The following LRIG3 variants were observed in gnomAD, a reference collection of about 807,000 sequenced individuals.
LRIG3 encodes the protein leucine rich repeats and immunoglobulin like domains 3, also known as leucine-rich repeats and immunoglobulin-like domains protein 3.
Under a neutral mutation model 114.5 loss-of-function variants are expected in LRIG3, and 76 were observed. That is an observed-to-expected ratio of 0.66 (90% CI 0.55 to 0.80). The LOEUF (loss-of-function observed/expected upper bound fraction) is 0.80. Ranked by LOEUF, LRIG3 falls within the 30% of genes least tolerant of loss-of-function variation. LRIG3 has a pLI of 0.00. For synonymous variants in LRIG3, 512 were observed against 519.8 expected (o/e 0.98, Z 0.20); for missense variants, 1,239 against 1,382.8 (o/e 0.90, Z 1.65).
chr12:58,919,614 C>A lies in LRIG3; in HGVS notation c.236+386G>T, dbSNP rs1447229907. The A allele has an allele frequency of 2.7e-6, 4 of 1,501,966 alleles. No individual in the cohort carries two copies. In the South Asian group the frequency reaches 4.0e-5, roughly 15 times the overall value. 93.0% of individuals were successfully genotyped at this position (1,501,966 alleles called of 1,614,324 possible). On this transcript the variant is annotated intron_variant, in intron 1 of 18. Coordinates refer to ENST00000320743, the MANE Select transcript of LRIG3 (RefSeq NM_153377.5). The stretch of plus-strand genomic sequence containing the variant: ...AAACTGAACCAGACTCATAACTCAG[C>A]GAGAACTGCAAACTCCTGATGTGTG...
chr12:58,872,951 CA>C (rs1205840617), intron 18 of LRIG3, 135 bp from the exon 19 acceptor site: 1 of 1,182,190 alleles, frequency 8.5e-7, no homozygotes, highest in African/African-American at 1.5e-5. Context: ...TTATGGCACT[CA>C]CATACATGTA....
intron 3 of LRIG3, among the ~76,000 whole-genome samples, chr12:58,909,758 G>A (rs1414881019): frequency 6.6e-6 from 1 of 152,154 alleles, no homozygotes; most frequent in Non-Finnish European, 1.5e-5. Flanking sequence ...GGCAAAGGGT[G>A]GAGCCAAAAG....
At chr12:58,898,357 T>G (rs1871718783) in intron 3 of LRIG3, among the ~76,000 whole-genome samples, 1 of 152,210 alleles carries the variant, frequency 6.6e-6, no homozygotes, top group South Asian at 2.1e-4. Flanking sequence ...TAGATCTGGA[T>G]GAGAAACACT....
chr12:58,877,308 A>G, intron 15 of LRIG3, 92 bp downstream of exon 15: 1 of 1,288,900 alleles, frequency 7.8e-7, no homozygotes. Context: ...TCTGAGATGA[A>G]CTCAGACTGC....
chr12:58,880,967 T>G, intron 12 of LRIG3, 66 bp from the exon 13 acceptor site: 2 of 1,460,676 alleles, frequency 1.4e-6, no homozygotes, highest in Non-Finnish European at 1.9e-6. Context: ...ACTACTCAAA[T>G]TTGAACACCA....
intron 3 of LRIG3, among the ~76,000 whole-genome samples, chr12:58,893,577 G>A (rs1871527278): frequency 6.6e-6 from 1 of 152,160 alleles, no homozygotes; most frequent in Admixed American, 6.5e-5. Context: ...CTAGCTGTGA[G>A]GTATAGGGTA....
chr12:58,918,359 C>T (rs1872551908), intron 1 of LRIG3, among the ~76,000 whole-genome samples: 1 of 152,154 alleles, frequency 6.6e-6, no homozygotes, highest in Admixed American at 6.5e-5. Context: ...AGGTATCGAA[C>T]CCCTTTTGGT....
rs146084140 is a variant in LRIG3, at chr12:58,878,930, G to A, written c.1977C>T (p.Asp659=). 52 of 1,614,030 alleles carry A rather than the reference G, an allele frequency of 3.2e-5. No homozygotes were observed. In the South Asian group the frequency reaches 3.7e-4, roughly 12 times the overall value. ...ERRMHVMPED[D]VFFIVDVKIE... ...TCTTCACATCCACGATAAAGAACAC[G>A]TCATCCTCGGGCATCACATGCATGC... The change falls in exon 14 of 19, where the codon GAC becomes GAT. Residue 659 remains aspartate (D), a synonymous_variant. Transcript: ENST00000320743.
At chr12:58,903,859 C>A (rs1592307720) in intron 3 of LRIG3, among the ~76,000 whole-genome samples, 2 of 151,822 alleles carry the variant, frequency 1.3e-5, no homozygotes, top group South Asian at 2.1e-4. Flanking sequence ...CAGGTTTGTC[C>A]AAGATCAGAT....
In LRIG3 at chr12:58,890,832, C is replaced by A. The variant is rs200782290; in HGVS notation, c.384-36G>T. 4 of 1,571,664 alleles carry A rather than the reference C, an allele frequency of 2.5e-6. No homozygotes were observed. In the Admixed American group the frequency reaches 5.9e-5, roughly 23 times the overall value. On this transcript the variant is annotated intron_variant, in intron 3 of 18. Transcript: ENST00000320743. Reference sequence around the variant, plus strand: ...AAGAAACCACAGTTAACAAGGTTAACGGTACAACAATCTGAAAGAAGAAAA... The same window carrying A: ...AAGAAACCACAGTTAACAAGGTTAAAGGTACAACAATCTGAAAGAAGAAAA...
chr12:58,901,382 T>C (rs1871843061), intron 3 of LRIG3, among the ~76,000 whole-genome samples: 1 of 152,232 alleles, frequency 6.6e-6, no homozygotes, highest in Non-Finnish European at 1.5e-5. Context: ...ATTGTGTTTA[T>C]ACTGCCATGC....
At chr12:58,876,703 A>G (rs539953311) in intron 15 of LRIG3, 100 bp from the exon 16 acceptor site, 5 of 1,235,932 alleles carry the variant, frequency 4.0e-6, no homozygotes, top group African/African-American at 1.5e-5. Flanking sequence ...TTCTGTATAC[A>G]TCAAATTAGG....
intron 13 of LRIG3, 189 bp downstream of exon 13, chr12:58,880,392 C>T: frequency 4.2e-6 from 3 of 710,088 alleles, no homozygotes; most frequent in South Asian, 3.0e-5. Flanking sequence ...GTGTCGTCTT[C>T]AACATAATTG....
intron 1 of LRIG3, among the ~76,000 whole-genome samples, chr12:58,917,088 T>C (rs771388376): frequency 1.2e-4 from 19 of 152,034 alleles, no homozygotes; most frequent in Non-Finnish European, 2.4e-4. Flanking sequence ...GTCTGGAAAA[T>C]ACAGAAAAAC....
At chr12:58,888,159 T>C (rs546450310) in intron 7 of LRIG3, among the ~76,000 whole-genome samples, 170 bp downstream of exon 7, 6 of 152,322 alleles carry the variant, frequency 3.9e-5, no homozygotes, top group African/African-American at 7.2e-5. Flanking sequence ...ACTGCAACAG[T>C]AGAACTGGCT....
At chr12:58,907,815 T>A (rs1872122826) in intron 3 of LRIG3, among the ~76,000 whole-genome samples, 1 of 152,154 alleles carries the variant, frequency 6.6e-6, no homozygotes, top group South Asian at 2.1e-4. Context: ...ATTTCTCTTG[T>A]CTACTCGATT....
intron 10 of LRIG3, among the ~76,000 whole-genome samples, chr12:58,885,212 A>G (rs866431341): frequency 6.6e-6 from 1 of 152,186 alleles, no homozygotes; most frequent in Non-Finnish European, 1.5e-5. Context: ...AACAAAAGAA[A>G]ACAACAAAAA....
At chr12:58,912,690 A>T (rs1481256679) in intron 3 of LRIG3, among the ~76,000 whole-genome samples, 1 of 152,206 alleles carries the variant, frequency 6.6e-6, no homozygotes, top group African/African-American at 2.4e-5. Context: ...ACATACTGAC[A>T]GAATCTGCCA....
At chr12:58,889,151 G>A (rs1474391495) in intron 5 of LRIG3, among the ~76,000 whole-genome samples, 189 bp from the exon 6 acceptor site, 2 of 152,140 alleles carry the variant, frequency 1.3e-5, no homozygotes, top group African/African-American at 4.8e-5. Flanking sequence ...CTACTGAAAT[G>A]TGTCATGTGT....
Sources: allele counts gnomAD v4.1 joint callset (sites outside exome capture counted in the v4.1 genomes callset), GRCh38; gene constraint gnomAD v4.1.1; transcripts MANE v1.5; gene names NCBI Gene and HGNC (gene_info 2026-07-23, HGNC 2026-07-21).